MORC2: variants seen among roughly 807,000 people sequenced by gnomAD.
The protein encoded by MORC2 is MORC family CW-type zinc finger 2.
MORC2 carries 30 observed loss-of-function variants against 136.0 expected under a neutral mutation model. The observed-to-expected ratio is 0.22, with a 90% CI of 0.17 to 0.30. The LOEUF is 0.30. Ranked by LOEUF, MORC2 falls within the 10% of genes least tolerant of loss-of-function variation. The pLI, the probability that MORC2 is intolerant of heterozygous loss-of-function variation, is 1.00. For synonymous variants in MORC2, 439 were observed against 487.0 expected (o/e 0.90, Z 1.30); for missense variants, 922 against 1,333.1 (o/e 0.69, Z 4.80).
chr22:30,967,204 G>T, intron 1 of MORC2: 4 of 985,618 alleles, frequency 4.1e-6, no homozygotes, highest in Non-Finnish European at 4.8e-6. Context: ...ACTCCTTCAT[G>T]AACTCAAGAA....
intron 21 of MORC2, 56 bp from the exon 22 acceptor site, chr22:30,933,086 G>T: frequency 6.2e-7 from 1 of 1,603,468 alleles, no homozygotes; most frequent in Non-Finnish European, 8.5e-7. Context: ...CCCTCACTTG[G>T]CCTGGGCCAC....
Position 30,933,528 on chromosome 22 carries a change from G to T in MORC2, c.2326-8C>A. On this transcript the variant is annotated splice_polypyrimidine_tract_variant and splice_region_variant and intron_variant, in intron 20 of 25. Coordinates refer to ENST00000397641, the MANE Select transcript of MORC2 (RefSeq NM_001303256.3). ...CCCAGCACTGTCTGAGAGCTGCGTG[G>T]AGAGCAGTCTATTAGAGGCATCCCC... 6.2e-7 allele frequency: 1 copy of T among 1,613,550 alleles called. No homozygotes were observed. The highest frequency in any genetic ancestry group is 1.1e-5 in the South Asian group (1 of 91,052).
At position 30,949,861 on chromosome 22, in the gene MORC2, G is replaced by C; in HGVS notation, c.227-19C>G. 2 of 1,612,402 alleles carry C rather than the reference G, an allele frequency of 1.2e-6. No homozygotes were observed. The highest frequency in any genetic ancestry group is 1.7e-6 in the Non-Finnish European group (2 of 1,178,748). On this transcript the variant is annotated intron_variant, in intron 4 of 25. Coordinates refer to ENST00000397641, the MANE Select transcript of MORC2 (RefSeq NM_001303256.3). ...GCATCACCTGAAAGGGCAGACACAA[G>C]AGAAAGTGAAAAGTTTGCATTTCTT...
intron 1 of MORC2, among the ~76,000 whole-genome samples, chr22:30,961,635 G>T (rs1209149562): frequency 6.6e-6 from 1 of 152,144 alleles, no homozygotes; most frequent in Non-Finnish European, 1.5e-5. Context: ...CACAACCATA[G>T]TAAGTATGAG....
intron 16 of MORC2, 47 bp from the exon 17 acceptor site, chr22:30,936,690 G>A: frequency 6.3e-7 from 1 of 1,598,716 alleles, no homozygotes; most frequent in Non-Finnish European, 8.5e-7. Flanking sequence ...AGAGCGCCAA[G>A]CTCGGCAAGG....
In MORC2 at chr22:30,929,639, T is replaced by TCAGGAGGCTGAGG. The variant is rs887959154; in HGVS notation, c.2842-1445_2842-1433dup. Among the ~76,000 whole-genome samples the TCAGGAGGCTGAGG allele has an allele frequency of 1.4e-4, 21 of 151,988 alleles. 1 individual carries two copies. Among genetic ancestry groups the TCAGGAGGCTGAGG allele is most frequent in the Admixed American group, 1.2e-3 (19 of 15,262 alleles). On this transcript the variant is annotated intron_variant, in intron 24 of 25. Transcript: ENST00000397641. ...GGCGGGTGCCTGTAGTCCCAGCTAC[T>TCAGGAGGCTGAGG]CAGGAGGCTGAGGCAGGAGGCTGAG... is the stretch of plus-strand genomic sequence containing the variant.
chr22:30,947,382 C>T (rs757001938), intron 5 of MORC2, among the ~76,000 whole-genome samples: 2 of 152,214 alleles, frequency 1.3e-5, no homozygotes, highest in East Asian at 1.9e-4. Context: ...GCAGGGGGAC[C>T]GCCCTCTGAA....
chr22:30,936,707 C>G (rs1458441263), intron 16 of MORC2, 64 bp from the exon 17 acceptor site: 15 of 1,584,888 alleles, frequency 9.5e-6, no homozygotes, highest in Non-Finnish European at 1.3e-5. Flanking sequence ...AAGGACCTTT[C>G]TCTTCAGCCA....
rs1602485656 is a variant in MORC2 at position 30,937,939 on chromosome 22, A to T, written c.1245T>A (p.Asp415Glu). Residue 415 changes from aspartate to glutamate, a missense_variant, in exon 14 of 26, where the codon GAT (aspartate) becomes GAA (glutamate). Around this residue, in one of 9 missense-constraint regions of MORC2, gnomAD observed 16 missense variants for 75.6 expected, o/e 0.21. Coordinates refer to ENST00000397641, the MANE Select transcript of MORC2 (RefSeq NM_001303256.3). This position sits in a 1 kb window ranked among gnomAD's most constrained non-coding sequence, Gnocchi z 4.7. Reference protein sequence around the residue: ...MACGGVVGVVDVPYLVLEPTH... With the variant: ...MACGGVVGVVEVPYLVLEPTH... ...TAGGCTCCAGGACCAGGTAGGGCACATCAACAACCCCAACAACCCCGCCAC... is the reference window on the plus strand; with the variant it reads ...TAGGCTCCAGGACCAGGTAGGGCACTTCAACAACCCCAACAACCCCGCCAC... 9 of 1,613,958 alleles carry T rather than the reference A, an allele frequency of 5.6e-6. No individual in the cohort carries two copies. Among genetic ancestry groups the T allele is most frequent in the Non-Finnish European group, 7.6e-6 (9 of 1,180,010 alleles).
Position 30,935,086 on chromosome 22 carries a change from G to A in MORC2, c.1888C>T (p.Pro630Ser). 1 of 1,613,962 alleles carries A rather than the reference G, an allele frequency of 6.2e-7. No homozygotes were observed. The highest frequency in any genetic ancestry group is 8.5e-7 in the Non-Finnish European group (1 of 1,180,004). The change falls in exon 19 of 26, where the codon CCT becomes TCT. Residue 630 changes from proline (P) to serine (S), a missense_variant. By Grantham distance (74) the Pro-to-Ser change is moderately conservative. This residue lies in a region of MORC2 where 184 missense variants were observed against 180.3 expected (regional missense o/e 1.02). Coordinates refer to ENST00000397641, the MANE Select transcript of MORC2 (RefSeq NM_001303256.3). ...GCTGGTCTAGGAGTTGGCAAAGAAG[G>A]GGGTCTGCTGGGGGCGTTCCTGATC... ...AVIRNAPSRP[P>S]SLPTPRPASQ...
intron 1 of MORC2, among the ~76,000 whole-genome samples, chr22:30,960,808 C>CAA (rs35374135): frequency 7.2e-5 from 7 of 97,782 alleles, no homozygotes; most frequent in Admixed American, 1.1e-4. Flanking sequence ...ACAGATTTCT[C>CAA]AAAAAAAAAA....
chr22:30,941,414 A>G lies in MORC2; in HGVS notation c.824+19T>C. ...CTCGACCCATGGGAGACAGCAGGCCAAGGGGCACTGGCCCCTACCTGGGCT... is the reference window on the plus strand; with the variant it reads ...CTCGACCCATGGGAGACAGCAGGCCGAGGGGCACTGGCCCCTACCTGGGCT... On this transcript the variant is annotated intron_variant, in intron 9 of 25. Coordinates refer to ENST00000397641, the MANE Select transcript of MORC2 (RefSeq NM_001303256.3). This position sits in a 1 kb window ranked among gnomAD's most constrained non-coding sequence, Gnocchi z 4.6. 1 of 1,612,854 alleles carries G rather than the reference A, an allele frequency of 6.2e-7. No homozygotes were observed. Among genetic ancestry groups the G allele is most frequent in the South Asian group, 1.1e-5 (1 of 91,050 alleles).
intron 12 of MORC2, among the ~76,000 whole-genome samples, chr22:30,938,985 G>T (rs1004192997): frequency 6.6e-6 from 1 of 152,240 alleles, no homozygotes; most frequent in East Asian, 1.9e-4. Flanking sequence ...TGGATGAGGA[G>T]TGGACTGACT....
rs768182031 is a variant in MORC2 at position 30,941,422 on chromosome 22, C to A, written c.824+11G>T. 1 of 1,613,562 alleles carries A rather than the reference C, an allele frequency of 6.2e-7. No homozygotes were observed. Among genetic ancestry groups the A allele is most frequent in the Admixed American group, 1.7e-5 (1 of 59,996 alleles). Reference sequence around the variant, plus strand: ...ATGGGAGACAGCAGGCCAAGGGGCACTGGCCCCTACCTGGGCTTGTACAGG... The same window carrying A: ...ATGGGAGACAGCAGGCCAAGGGGCAATGGCCCCTACCTGGGCTTGTACAGG... On this transcript the variant is annotated intron_variant, in intron 9 of 25. Coordinates refer to ENST00000397641, the MANE Select transcript of MORC2 (RefSeq NM_001303256.3). This position sits in a 1 kb window ranked among gnomAD's most constrained non-coding sequence, Gnocchi z 4.6.
intron 20 of MORC2, 64 bp from the exon 21 acceptor site, chr22:30,933,584 C>CGTAA (rs2040608647): frequency 6.5e-7 from 1 of 1,543,994 alleles, no homozygotes; most frequent in African/African-American, 1.4e-5. Flanking sequence ...TTGTGCCTTA[C>CGTAA]TGGCCACCCG....
chr22:30,963,054 C>T (rs2041073354), intron 1 of MORC2, among the ~76,000 whole-genome samples: 1 of 151,820 alleles, frequency 6.6e-6, no homozygotes, highest in South Asian at 2.1e-4. Flanking sequence ...TCACTGCAAG[C>T]TCCGCCTCCC....
rs200730857 is a variant in MORC2 at position 30,938,243 on chromosome 22, G to A, written c.1074-38C>T. The A allele has an allele frequency of 2.1e-4, 335 of 1,610,514 alleles. 1 individual carries two copies. The Admixed American group carries it at 3.8e-3, about 18-fold the overall frequency. ...AAAAACTCAAGCAGATCTACACATC[G>A]GCACACAAGCACCATAGTGTTTAAG... On this transcript the variant is annotated intron_variant, in intron 12 of 25. Transcript: ENST00000397641.
rs1453277674 is a variant in MORC2 at position 30,937,788 on chromosome 22, A to G, written c.1369+27T>C. On this transcript the variant is annotated intron_variant, in intron 14 of 25. Transcript: ENST00000397641. The surrounding 1 kb of genome is among the most constrained non-coding windows in gnomAD (Gnocchi z 4.7). ...CTACATTCAGGTGAAGAGAAAAGGC[A>G]GAGGCCCAGCAGCCCAGCCCCATTA... is the stretch of plus-strand genomic sequence containing the variant. The G allele has an allele frequency of 6.2e-7, 1 of 1,614,076 alleles. No homozygotes were observed. The highest frequency in any genetic ancestry group is 8.5e-7 in the Non-Finnish European group (1 of 1,179,942).
In MORC2 at chr22:30,967,951, T is replaced by G. The variant is rs192803614; in HGVS notation, c.-62A>C. The stretch of plus-strand genomic sequence containing the variant: ...TGGGAAATATAACCTTATAATGATA[T>G]CGATTTCCCAGGATTCTGTCCAGTA... On this transcript the variant is annotated 5_prime_UTR_variant, in exon 1 of 26. Transcript: ENST00000397641. 1.0e-5 allele frequency: 14 copies of G among 1,367,936 alleles called. No individual in the cohort carries two copies. The East Asian group carries it at 3.3e-4, about 32-fold the overall frequency. The allele number at this position is 1,367,936 out of a possible 1,614,324, so 84.7% of individuals were successfully genotyped here.
Sources: allele counts gnomAD v4.1 joint callset (sites outside exome capture counted in the v4.1 genomes callset), GRCh38; gene constraint gnomAD v4.1.1; regional missense constraint gnomAD v4.1.1; non-coding constraint Gnocchi (gnomAD v3.1); transcripts MANE v1.5; gene names NCBI Gene and HGNC (gene_info 2026-07-23, HGNC 2026-07-21).